NPAS3: variants seen among roughly 807,000 people sequenced by gnomAD.
NPAS3 encodes neuronal PAS domain-containing protein 3.
NPAS3 carries 14 observed loss-of-function variants against 73.1 expected under a neutral mutation model. That is an observed-to-expected ratio of 0.19 (90% CI 0.13 to 0.30). The LOEUF (loss-of-function observed/expected upper bound fraction) is 0.30, where lower values mean the gene tolerates loss of function less well. Ranked by LOEUF, NPAS3 falls within the 10% of genes least tolerant of loss-of-function variation. The pLI, the probability that NPAS3 is intolerant of heterozygous loss-of-function variation, is 1.00. For synonymous variants in NPAS3, 620 were observed against 541.5 expected, an observed-to-expected ratio of 1.14 and a Z score of -2.01; for missense variants, 1,096 against 1,250.0, an observed-to-expected ratio of 0.88 and a Z score of 1.86.
At chr14:33,793,145 G>C (rs546343366) in intron 9 of NPAS3, among the ~76,000 whole-genome samples, 1 of 152,130 alleles carries the variant, frequency 6.6e-6, no homozygotes, top group Non-Finnish European at 1.5e-5. Context: ...TAATGGCACC[G>C]TTTCACATTA....
At chr14:33,420,716 T>G (rs2048331118) in intron 4 of NPAS3, among the ~76,000 whole-genome samples, 1 of 151,888 alleles carries the variant, frequency 6.6e-6, no homozygotes, top group Non-Finnish European at 1.5e-5. Context: ...AGAATTTGGC[T>G]TTATGAGGTT....
intron 4 of NPAS3, among the ~76,000 whole-genome samples, chr14:33,409,214 TG>T (rs1243613501): frequency 6.6e-6 from 1 of 152,130 alleles, no homozygotes; most frequent in Admixed American, 6.6e-5. Flanking sequence ...GCAGCCCCAC[TG>T]GGGGGTTCTG....
At chr14:33,517,368 A>G (rs719017) in intron 4 of NPAS3, among the ~76,000 whole-genome samples, 45,259 of 151,998 alleles carry the variant, frequency 0.3, 7,654 homozygotes, top group East Asian at 0.45. Flanking sequence ...CATTACATTT[A>G]CATGGTGCTC....
At chr14:33,601,985 C>T (rs1012580782) in intron 5 of NPAS3, among the ~76,000 whole-genome samples, 1 of 152,136 alleles carries the variant, frequency 6.6e-6, no homozygotes, top group Non-Finnish European at 1.5e-5. Flanking sequence ...CCCAGAAAGA[C>T]AGGAAACAAA....
At chr14:33,492,775 G>A (rs555190606) in intron 4 of NPAS3, among the ~76,000 whole-genome samples, 12 of 152,206 alleles carry the variant, frequency 7.9e-5, no homozygotes, top group African/African-American at 2.4e-4. Context: ...CACACACATC[G>A]ATTGGTTAAT....
intron 3 of NPAS3, among the ~76,000 whole-genome samples, chr14:33,224,406 G>T (rs2047545827): frequency 6.6e-6 from 1 of 152,082 alleles, no homozygotes; most frequent in African/African-American, 2.4e-5. Flanking sequence ...TAATAAACAG[G>T]TGACCTCCAC....
At chr14:33,281,549 T>A (rs1321101471) in intron 3 of NPAS3, among the ~76,000 whole-genome samples, 2 of 152,156 alleles carry the variant, frequency 1.3e-5, no homozygotes, top group Non-Finnish European at 2.9e-5. Context: ...GGAGAATCAC[T>A]TGAACCTGGA....
intron 3 of NPAS3, among the ~76,000 whole-genome samples, chr14:33,309,903 C>T (rs1435520037): frequency 6.6e-6 from 1 of 152,046 alleles, no homozygotes; most frequent in Non-Finnish European, 1.5e-5. Context: ...AAGTCCTGGC[C>T]CTGCAGAGGG....
chr14:33,171,917 G>A (rs2045403943), intron 2 of NPAS3, among the ~76,000 whole-genome samples: 1 of 151,990 alleles, frequency 6.6e-6, no homozygotes, highest in Admixed American at 6.6e-5. Flanking sequence ...CCATTGCAGG[G>A]GTACTAATTG....
intron 9 of NPAS3, among the ~76,000 whole-genome samples, chr14:33,787,319 C>T (rs868002220): frequency 7.2e-5 from 11 of 152,268 alleles, no homozygotes; most frequent in South Asian, 6.2e-4. Flanking sequence ...CAAATTGACG[C>T]ATTCTAAATC....
chr14:33,106,246 A>G (rs949903063), intron 2 of NPAS3, among the ~76,000 whole-genome samples: 1 of 152,164 alleles, frequency 6.6e-6, no homozygotes, highest in African/African-American at 2.4e-5. Context: ...AAGCTGATGG[A>G]CATTATTTTG....
chr14:33,247,938 A>G (rs2048448806), intron 3 of NPAS3, among the ~76,000 whole-genome samples: 1 of 152,236 alleles, frequency 6.6e-6, no homozygotes, highest in Non-Finnish European at 1.5e-5. Flanking sequence ...CAGTGTTTGC[A>G]GAATCCAGAG....
intron 6 of NPAS3, among the ~76,000 whole-genome samples, chr14:33,700,187 T>C (rs1244597528): frequency 6.6e-6 from 1 of 152,188 alleles, no homozygotes; most frequent in Non-Finnish European, 1.5e-5. Context: ...GTCACCTCTC[T>C]GACAAGTGTT....
chr14:33,026,327 A>G (rs932335165), intron 1 of NPAS3, among the ~76,000 whole-genome samples: 1 of 152,088 alleles, frequency 6.6e-6, no homozygotes, highest in African/African-American at 2.4e-5. Flanking sequence ...CTCACTTGCA[A>G]TTGTATGTTA....
chr14:33,070,354 A>G (rs1566527860), intron 2 of NPAS3, among the ~76,000 whole-genome samples: 1 of 151,962 alleles, frequency 6.6e-6, no homozygotes, highest in Non-Finnish European at 1.5e-5. Context: ...CAAATCCAGG[A>G]AAGAGCAGTG....
At chr14:33,387,746 G>A (rs1475195023) in intron 4 of NPAS3, among the ~76,000 whole-genome samples, 1 of 152,062 alleles carries the variant, frequency 6.6e-6, no homozygotes, top group African/African-American at 2.4e-5. Context: ...TGAAATAATG[G>A]TTTGTTTATT....
intron 1 of NPAS3, among the ~76,000 whole-genome samples, chr14:33,023,092 T>TA (rs112241099): frequency 1.9e-3 from 288 of 148,508 alleles, no homozygotes; most frequent in African/African-American, 5.9e-3. Flanking sequence ...AACACAAATT[T>TA]AAAAAAAAAA....
intron 4 of NPAS3, among the ~76,000 whole-genome samples, chr14:33,390,920 G>T (rs2046974162): frequency 6.6e-6 from 1 of 151,732 alleles, no homozygotes; most frequent in Non-Finnish European, 1.5e-5. Context: ...CTTCAGTTCT[G>T]TCTTTTGAAA....
intron 2 of NPAS3, among the ~76,000 whole-genome samples, chr14:33,168,920 T>A (rs77182693): frequency 1.6e-3 from 240 of 152,332 alleles, no homozygotes; most frequent in African/African-American, 5.6e-3. Flanking sequence ...TGCTATGAGT[T>A]GAAGATACAT....
Sources: allele counts gnomAD v4.1 joint callset (sites outside exome capture counted in the v4.1 genomes callset), GRCh38; gene constraint gnomAD v4.1.1; transcripts MANE v1.5; gene names NCBI Gene and HGNC (gene_info 2026-07-23, HGNC 2026-07-21).